Variants in SLC27A1 observed in about 807,000 individuals in gnomAD.
SLC27A1 encodes solute carrier family 27 member 1, also known as long-chain fatty acid transport protein 1.
Under a neutral mutation model 62.2 loss-of-function variants are expected in SLC27A1, and 61 were observed. The observed-to-expected ratio is 0.98, with a 90% CI of 0.80 to 1.21. The LOEUF is 1.21. SLC27A1 is among the 50% of genes most tolerant of loss of function. The pLI, the probability that SLC27A1 is intolerant of heterozygous loss-of-function variation, is 0.00. For synonymous variants in SLC27A1, 435 were observed against 408.6 expected (o/e 1.06, Z -0.78); for missense variants, 903 against 932.1 (o/e 0.97, Z 0.41).
chr19:17,497,526 TC>T, intron 7 of SLC27A1, 62 bp downstream of exon 7: 2 of 1,447,316 alleles, frequency 1.4e-6, no homozygotes, highest in Non-Finnish European at 1.9e-6. Context: ...TGTCTCCTCT[TC>T]CTGGGGCCCC....
At position 17,504,488 on chromosome 19, in the gene SLC27A1, G is replaced by T; in HGVS notation, c.1817G>T (p.Arg606Leu). 6.2e-7 allele frequency: 1 copy of T among 1,614,174 alleles called. No individual in the cohort carries two copies. Among genetic ancestry groups the T allele is most frequent in the Non-Finnish European group, 8.5e-7 (1 of 1,180,030 alleles). The change falls in exon 12 of 12, where the codon CGA becomes CTA. Residue 606 changes from arginine to leucine, a missense_variant. Physicochemically the swap from Arg to Leu is moderately radical, Grantham distance 102. Transcript: ENST00000252595. ...TFKIQKTRLQ[R>L]EGFDPRQTSD... ...AAGATCCAGAAGACGAGGCTGCAGCGAGAGGGCTTTGACCCACGCCAGACC... is the reference window on the plus strand; with the variant it reads ...AAGATCCAGAAGACGAGGCTGCAGCTAGAGGGCTTTGACCCACGCCAGACC...
intron 1 of SLC27A1, among the ~76,000 whole-genome samples, chr19:17,477,397 A>G (rs1439629884): frequency 6.7e-6 from 1 of 149,112 alleles, no homozygotes; most frequent in Non-Finnish European, 1.5e-5. Flanking sequence ...GTGCACCACC[A>G]TGCCTGGCTA....
In SLC27A1 at chr19:17,504,580, ACT is replaced by A; in HGVS notation, c.1911_1912del (p.Arg638HisfsTer55). 2 of 1,613,878 alleles carry A rather than the reference ACT, an allele frequency of 1.2e-6. No homozygotes were observed. The highest frequency in any genetic ancestry group is 1.7e-6 in the Non-Finnish European group (2 of 1,179,982). On this transcript the variant is annotated frameshift_variant, in exon 12 of 12. Transcript: ENST00000252595. LOFTEE classifies it high-confidence loss of function. ...HYLPLNEAVY[T>X]RICSGAFAL ...CCTGCCCTTAAATGAGGCAGTCTAC[ACT>A]CGCATCTGCTCGGGCGCCTTCGCCC...
intron 6 of SLC27A1, chr19:17,496,543 A>T (rs1177245351): frequency 1.3e-5 from 2 of 153,128 alleles, no homozygotes; most frequent in Non-Finnish European, 1.5e-5. Context: ...CGCTCCGGCC[A>T]GCCCAGGCTC....
At chr19:17,475,812 A>T (rs2075116678) in intron 1 of SLC27A1, among the ~76,000 whole-genome samples, 1 of 152,140 alleles carries the variant, frequency 6.6e-6, no homozygotes, top group Non-Finnish European at 1.5e-5. Flanking sequence ...TCCGCCCTGG[A>T]GTCCTGGGCC....
Position 17,500,281 on chromosome 19 carries a change from G to A in SLC27A1, c.1210G>A (p.Gly404Ser), listed in dbSNP as rs777539814. 29 of 1,613,660 alleles carry A rather than the reference G, an allele frequency of 1.8e-5. No homozygotes were observed. Among genetic ancestry groups the A allele is most frequent in the Admixed American group, 1.0e-4 (6 of 59,896 alleles). ...CSIANMDGKV[G>S]SCGFNSRILP... is the part of the protein sequence containing the mutation. The stretch of plus-strand genomic sequence containing the variant: ...AACTCAGTTCACCCCATTCCAGGTC[G>A]GCTCCTGTGGTTTCAACAGCCGCAT... The change falls in exon 8 of 12, where the codon GGC (glycine) becomes AGC (serine). Residue 404 changes from glycine to serine, a missense_variant. By Grantham distance (56) the Gly-to-Ser change is moderately conservative. Transcript: ENST00000252595.
At chr19:17,469,313 G>C (rs764662642), upstream of SLC27A1, among the ~76,000 whole-genome samples, 1 of 152,152 alleles carries the variant, frequency 6.6e-6, no homozygotes, top group Non-Finnish European at 1.5e-5. Context: ...ACTCCCCCGG[G>C]CCCTGGAACG....
At position 17,486,207 on chromosome 19, in the gene SLC27A1, A is replaced by C. The variant is rs1223981346; in HGVS notation, c.168-356A>C. ...GGGTCCTGGTTAGGGTGGTCTGAGC[A>C]TGAAGAGTCCAGGCTGGAGGTGCTG... On this transcript the variant is annotated intron_variant, in intron 1 of 11. Transcript: ENST00000252595. The surrounding 1 kb of genome is among the most constrained non-coding windows in gnomAD (Gnocchi z 6.6). 6.6e-6 allele frequency among the ~76,000 whole-genome samples: 1 copy of C among 152,154 alleles called. No homozygotes were observed. The highest frequency in any genetic ancestry group is 1.9e-4 in the East Asian group (1 of 5,196).
chr19:17,471,383 A>G (rs2075074821), intron 1 of SLC27A1, among the ~76,000 whole-genome samples: 1 of 151,644 alleles, frequency 6.6e-6, no homozygotes, highest in South Asian at 2.1e-4. Context: ...TGTGTATTCC[A>G]GGACTTGTTT....
chr19:17,496,690 C>A (rs529762413), intron 6 of SLC27A1: 1 of 153,992 alleles, frequency 6.5e-6, no homozygotes, highest in Non-Finnish European at 1.4e-5. Context: ...AGCTGCTTGG[C>A]AGAATCGAGG....
chr19:17,488,640 C>T (rs780072935), intron 4 of SLC27A1: 20 of 602,514 alleles, frequency 3.3e-5, no homozygotes, highest in Non-Finnish European at 6.0e-5. Context: ...ACCATCAGCC[C>T]CTCTATGCCC....
chr19:17,494,321 C>CCTTTTT (rs543156579), intron 6 of SLC27A1, among the ~76,000 whole-genome samples: 20 of 150,632 alleles, frequency 1.3e-4, no homozygotes, highest in East Asian at 7.8e-4. Flanking sequence ...CCGTGCCTGG[C>CCTTTTT]CTTTTTCTTT....
chr19:17,490,884 C>G (rs888699418), intron 6 of SLC27A1, among the ~76,000 whole-genome samples: 1 of 151,940 alleles, frequency 6.6e-6, no homozygotes, highest in African/African-American at 2.4e-5. Context: ...AGAAATGTAG[C>G]CTGGCGTGGT....
At chr19:17,470,319 G>A, upstream of SLC27A1, 1 of 524,734 alleles carries the variant, frequency 1.9e-6, no homozygotes. Flanking sequence ...TAGCGGGCGG[G>A]TGTAAAAGCC....
rs1175394305 is a variant in SLC27A1 at position 17,502,335 on chromosome 19, G to GTTTTTTTTTTTTTTTTT, written c.1783+924_1783+925insTTTTTTTTTTTTTTTTT. The stretch of plus-strand genomic sequence containing the variant: ...CTGCCACTAAGCATTCTGAAATAGT[G>GTTTTTTTTTTTTTTTTT]TTTTTTTTGTTTTTTTTTTTTTTTT... On this transcript the variant is annotated intron_variant, in intron 11 of 11. Coordinates refer to ENST00000252595, the MANE Select transcript of SLC27A1 (RefSeq NM_198580.3). Among the ~76,000 whole-genome samples, 5 of 75,902 alleles carry GTTTTTTTTTTTTTTTTT rather than the reference G, an allele frequency of 6.6e-5. 2 individuals are homozygous for GTTTTTTTTTTTTTTTTT. The highest frequency in any genetic ancestry group is 1.2e-4 in the Non-Finnish European group (5 of 40,078). The allele number at this position is 75,902 out of a possible 152,430, so 49.8% of individuals were successfully genotyped here. A position where few individuals can be genotyped will look rare whatever the true frequency, so the allele number is the denominator to read the frequency against.
At chr19:17,490,143 A>G (rs901762913) in intron 6 of SLC27A1, 1 of 152,074 alleles carries the variant, frequency 6.6e-6, no homozygotes, top group African/African-American at 2.4e-5. Flanking sequence ...ATGCAAAAGT[A>G]TATTTTTATT....
upstream of SLC27A1, among the ~76,000 whole-genome samples, chr19:17,469,284 C>T (rs2075050426): frequency 6.6e-6 from 1 of 152,124 alleles, no homozygotes; most frequent in East Asian, 1.9e-4. Context: ...TTCTGAGGCC[C>T]CAATGGTGTG....
chr19:17,497,459 G>A lies in SLC27A1; in HGVS notation c.1201G>A (p.Gly401Ser). The change falls in exon 7 of 12, where the codon GGC becomes AGC. Residue 401 changes from glycine (G) to serine (S), a missense_variant. By Grantham distance (56) the Gly-to-Ser change is moderately conservative. Transcript: ENST00000252595. ...CAACTGCAGCATTGCCAACATGGAC[G>A]GCAAGGTGCACACCGGCAGGGCCCC... is the stretch of plus-strand genomic sequence containing the variant. Reference protein sequence around the residue: ...ECNCSIANMDGKVGSCGFNSR... With the variant: ...ECNCSIANMDSKVGSCGFNSR... The A allele has an allele frequency of 1.2e-6, 2 of 1,607,074 alleles. No homozygotes were observed. The highest frequency in any genetic ancestry group is 1.1e-5 in the South Asian group (1 of 89,876).
At position 17,470,719 on chromosome 19, in the gene SLC27A1, C is replaced by G; in HGVS notation, c.167+12C>G. ...AGGCGAGACCTCTTGTGAGTGTTGC[C>G]GGGATCCGTCCAGGGCTGGGGGCGG... On this transcript the variant is annotated intron_variant, in intron 1 of 11. Coordinates refer to ENST00000252595, the MANE Select transcript of SLC27A1 (RefSeq NM_198580.3). 1 of 1,558,476 alleles carries G rather than the reference C, an allele frequency of 6.4e-7. No individual in the cohort carries two copies. The highest frequency in any genetic ancestry group is 8.6e-7 in the Non-Finnish European group (1 of 1,158,130).
Sources: allele counts gnomAD v4.1 joint callset (sites outside exome capture counted in the v4.1 genomes callset), GRCh38; gene constraint gnomAD v4.1.1; non-coding constraint Gnocchi (gnomAD v3.1); transcripts MANE v1.5; gene names NCBI Gene and HGNC (gene_info 2026-07-23, HGNC 2026-07-21).